The following RCAN2 variants were observed in gnomAD, a reference collection of about 807,000 sequenced individuals.
The protein encoded by RCAN2 is regulator of calcineurin 2.
RCAN2 carries 9 observed loss-of-function variants against 23.6 expected under a neutral mutation model. The observed-to-expected ratio is 0.38, with a 90% CI of 0.23 to 0.67. The LOEUF is 0.67. Ranked by LOEUF, RCAN2 falls within the 30% of genes least tolerant of loss-of-function variation. RCAN2 has a pLI of 0.51. For missense variants in RCAN2, 273 were observed against 302.3 expected (o/e 0.90, Z 0.72); for synonymous variants, 109 against 115.7 (o/e 0.94, Z 0.37).
intron 2 of RCAN2, among the ~76,000 whole-genome samples, chr6:46,360,526 T>G (rs918049834): frequency 3.4e-5 from 3 of 87,904 alleles, no homozygotes; most frequent in African/African-American, 1.3e-4. Context: ...AGAGCAAGAC[T>G]CCGTCTCAAA....
At chr6:46,486,913 T>G (rs1440803153) in intron 1 of RCAN2, among the ~76,000 whole-genome samples, 1 of 152,208 alleles carries the variant, frequency 6.6e-6, no homozygotes, top group Admixed American at 6.5e-5. Flanking sequence ...TTTTTGAAGT[T>G]TCCATTGAGT....
intron 2 of RCAN2, among the ~76,000 whole-genome samples, chr6:46,402,427 A>C (rs1386155835): frequency 1.3e-5 from 2 of 152,100 alleles, no homozygotes; most frequent in Non-Finnish European, 2.9e-5. Flanking sequence ...GGTCATAGAA[A>C]CTAGAATCCC....
At chr6:46,390,732 A>G (rs1294835623) in intron 2 of RCAN2, among the ~76,000 whole-genome samples, 1 of 152,228 alleles carries the variant, frequency 6.6e-6, no homozygotes, top group East Asian at 1.9e-4. Context: ...CACGTAGAGA[A>G]CCAAGAAGCA....
rs78848264 is a variant in RCAN2, at chr6:46,347,651, A to G, written c.226-98755T>C. Among the ~76,000 whole-genome samples the G allele has an allele frequency of 1.1e-3, 173 of 152,330 alleles. 1 individual carries two copies. The highest frequency in any genetic ancestry group is 3.9e-3 in the African/African-American group (161 of 41,578). On this transcript the variant is annotated intron_variant, in intron 2 of 4. Transcript: ENST00000371374. ...TTACCTTGTTTTTTAAAATATTCCA[A>G]TTCACTAAAATCTCAAAACAACCCA...
intron 2 of RCAN2, among the ~76,000 whole-genome samples, chr6:46,440,280 G>T (rs1324508258): frequency 6.6e-6 from 1 of 152,056 alleles, no homozygotes; most frequent in East Asian, 1.9e-4. Context: ...AAACCATGTG[G>T]ACCTAGATGG....
chr6:46,434,018 C>T (rs1561904053), intron 2 of RCAN2, among the ~76,000 whole-genome samples: 1 of 152,126 alleles, frequency 6.6e-6, no homozygotes. Context: ...CTATACAAAC[C>T]TGGCACAAGA....
intron 2 of RCAN2, among the ~76,000 whole-genome samples, chr6:46,272,628 G>A (rs1329876602): frequency 6.6e-6 from 1 of 152,078 alleles, no homozygotes; most frequent in Admixed American, 6.6e-5. Flanking sequence ...ATGTTAAAAT[G>A]CTTTTCTGTT....
intron 2 of RCAN2, among the ~76,000 whole-genome samples, chr6:46,334,028 G>T (rs1470030275): frequency 6.6e-6 from 1 of 152,060 alleles, no homozygotes; most frequent in Non-Finnish European, 1.5e-5. Context: ...CTCACCTCAG[G>T]GCCTTTGCGC....
At chr6:46,428,507 A>T (rs564451013) in intron 2 of RCAN2, among the ~76,000 whole-genome samples, 48 of 152,366 alleles carry the variant, frequency 3.2e-4, no homozygotes, top group Middle Eastern at 3.4e-3. Flanking sequence ...CTGCTAAATG[A>T]ATAAATAAAT....
At chr6:46,448,125 A>G (rs1290956117) in intron 2 of RCAN2, among the ~76,000 whole-genome samples, 1 of 151,862 alleles carries the variant, frequency 6.6e-6, no homozygotes, top group Non-Finnish European at 1.5e-5. Flanking sequence ...AGAAGACTCA[A>G]ATAAAATCAG....
rs572214784 is a variant in RCAN2, at chr6:46,307,221, G to T, written c.226-58325C>A. ...CATGAAGAAGACAGGGTCTCTGCCT[G>T]CAAAGAGCTTTAGGTTAGTCAGGGA... On this transcript the variant is annotated intron_variant, in intron 2 of 4. Transcript: ENST00000371374. 5.9e-5 allele frequency among the ~76,000 whole-genome samples: 9 copies of T among 152,272 alleles called. No homozygotes were observed. The East Asian group carries it at 1.7e-3, about 29-fold the overall frequency.
chr6:46,326,005 G>C, intron 2 of RCAN2: 1 of 468,526 alleles, frequency 2.1e-6, no homozygotes, highest in South Asian at 9.0e-5. Flanking sequence ...TTCGAGATGA[G>C]CAGGAAGTTG....
intron 2 of RCAN2, among the ~76,000 whole-genome samples, chr6:46,432,283 G>A (rs576172462): frequency 1.1e-4 from 17 of 151,946 alleles, no homozygotes; most frequent in South Asian, 8.3e-4. Flanking sequence ...GTGCAATCTC[G>A]GCTCACCACA....
intron 2 of RCAN2, among the ~76,000 whole-genome samples, chr6:46,273,414 G>A (rs535210036): frequency 6.6e-6 from 1 of 152,260 alleles, no homozygotes; most frequent in South Asian, 2.1e-4. Context: ...TTTCACATGT[G>A]TTGTCTACCT....
At position 46,223,064 on chromosome 6, in the gene RCAN2, C is replaced by G. The variant is rs1765527911; in HGVS notation, c.*77G>C. On this transcript the variant is annotated 3_prime_UTR_variant, in exon 5 of 5. Coordinates refer to ENST00000371374, the MANE Select transcript of RCAN2 (RefSeq NM_001251974.2). The stretch of plus-strand genomic sequence containing the variant: ...AACCAAACACCCAGGAATTTAAAGG[C>G]AATTTTTTTTGACAAACAACAGGGG... 1.3e-6 allele frequency: 2 copies of G among 1,516,358 alleles called. No individual in the cohort carries two copies. Among genetic ancestry groups the G allele is most frequent in the Non-Finnish European group, 1.8e-6 (2 of 1,114,094 alleles). 93.9% of individuals were successfully genotyped at this position (1,516,358 alleles called of 1,614,324 possible).
At position 46,323,006 on chromosome 6, in the gene RCAN2, T is replaced by C. The variant is rs1763665376; in HGVS notation, c.226-74110A>G. Among the ~76,000 whole-genome samples, 2 of 152,252 alleles carry C rather than the reference T, an allele frequency of 1.3e-5. 1 individual carries two copies. ...GTAGATCTTTGCTTTTTAATAATGT[T>C]ACTGCTTTACATTAGATGATTAAAT... On this transcript the variant is annotated intron_variant, in intron 2 of 4. Transcript: ENST00000371374.
At chr6:46,491,049 CACCCAGACCCGGCCCGGAG>C (rs1769129251) in intron 1 of RCAN2, 105 bp downstream of exon 1, 1 of 149,296 alleles carries the variant, frequency 6.7e-6, no homozygotes, top group Non-Finnish European at 1.5e-5. Flanking sequence ...CCCCGCCCTG[CACCCAGACCCGGCCCGGAG>C]ACCAGATCCC....
At chr6:46,342,052 A>T (rs4714927) in intron 2 of RCAN2, among the ~76,000 whole-genome samples, 64,069 of 151,914 alleles carry the variant, frequency 0.42, 14,965 homozygotes, top group East Asian at 0.6. Flanking sequence ...CTTTGGAAAT[A>T]CTGGAGCTTT....
chr6:46,457,052 G>T, intron 1 of RCAN2, 74 bp from the exon 2 acceptor site: 1 of 998,678 alleles, frequency 1.0e-6, no homozygotes, highest in Non-Finnish European at 1.5e-6. Context: ...TCACAGTTTT[G>T]TATTGTCAGG....
Sources: gnomAD v4.1 joint callset for allele counts (sites outside exome capture counted in the v4.1 genomes callset) on GRCh38, gnomAD v4.1.1 for gene constraint, MANE v1.5 for transcripts, NCBI Gene and HGNC (gene_info 2026-07-23, HGNC 2026-07-21) for gene names.